Variants in ELMO1 observed in about 807,000 individuals in gnomAD.
ELMO1 encodes engulfment and cell motility protein 1.
In ELMO1, 26 loss-of-function variants were observed where a neutral mutation model predicts 98.9. The observed-to-expected ratio is 0.26, with a 90% CI of 0.19 to 0.36. The LOEUF (loss-of-function observed/expected upper bound fraction) is 0.36, where lower values mean the gene tolerates loss of function less well. Among genes scored for constraint, ELMO1 ranks in the 10% least tolerant of loss-of-function variants. ELMO1 has a pLI of 1.00. For synonymous variants in ELMO1, 346 were observed against 346.0 expected, an observed-to-expected ratio of 1.00 and a Z score of 0.00; for missense variants, 627 against 935.2, an observed-to-expected ratio of 0.67 and a Z score of 4.30.
At chr7:37,341,075 G>A (rs1477486569) in intron 2 of ELMO1, among the ~76,000 whole-genome samples, 2 of 152,192 alleles carry the variant, frequency 1.3e-5, no homozygotes, top group African/African-American at 4.8e-5. Flanking sequence ...TTGTTAAAAT[G>A]CAGACTTGGG....
At chr7:36,882,666 G>A (rs1449754597) in intron 18 of ELMO1, among the ~76,000 whole-genome samples, 1 of 152,154 alleles carries the variant, frequency 6.6e-6, no homozygotes, top group Non-Finnish European at 1.5e-5. Context: ...TTAGCTGCGG[G>A]GCCTTGGCCT....
intron 13 of ELMO1, among the ~76,000 whole-genome samples, chr7:37,194,713 T>C (rs1042522154): frequency 3.3e-5 from 5 of 152,178 alleles, no homozygotes; most frequent in Admixed American, 1.3e-4. Flanking sequence ...AGCTCACTCA[T>C]GTCCAAATGC....
At chr7:37,444,783 G>C (rs1805542090) in intron 1 of ELMO1, among the ~76,000 whole-genome samples, 2 of 152,168 alleles carry the variant, frequency 1.3e-5, no homozygotes, top group Admixed American at 1.3e-4. Context: ...CAAAGTGCTG[G>C]GATTAGAGGC....
chr7:37,103,759 G>A (rs1030218636), intron 14 of ELMO1, among the ~76,000 whole-genome samples: 8 of 151,778 alleles, frequency 5.3e-5, no homozygotes, highest in African/African-American at 1.4e-4. Context: ...CACTTTGGGA[G>A]GCCGAGGCAG....
Position 36,985,985 on chromosome 7 carries a change from A to G in ELMO1, c.1437+27314T>C, listed in dbSNP as rs1791474886. On this transcript the variant is annotated intron_variant, in intron 16 of 21. Transcript: ENST00000310758. ...CTGATTCTAAGCTGCTGCCACCACAAAGCGACTTAGAGTCGTCCCCCTGAA... is the reference window on the plus strand; with the variant it reads ...CTGATTCTAAGCTGCTGCCACCACAGAGCGACTTAGAGTCGTCCCCCTGAA... 5.0e-6 allele frequency: 5 copies of G among 1,002,742 alleles called. No individual in the cohort carries two copies. The South Asian group carries it at 2.3e-4, about 47-fold the overall frequency. The allele number at this position is 1,002,742 out of a possible 1,614,324, so 62.1% of individuals were successfully genotyped here.
At chr7:37,436,835 C>T (rs1438401227) in intron 1 of ELMO1, among the ~76,000 whole-genome samples, 1 of 152,212 alleles carries the variant, frequency 6.6e-6, no homozygotes, top group South Asian at 2.1e-4. Flanking sequence ...TGTAATTGAA[C>T]GTGCTGGGAC....
intron 16 of ELMO1, among the ~76,000 whole-genome samples, chr7:36,920,315 T>C (rs981487965): frequency 1.3e-5 from 2 of 152,244 alleles, no homozygotes; most frequent in African/African-American, 2.4e-5. Flanking sequence ...TGTTGCCCCA[T>C]GCAAGCAACT....
At chr7:37,392,922 T>C (rs1803141775) in intron 1 of ELMO1, among the ~76,000 whole-genome samples, 1 of 152,164 alleles carries the variant, frequency 6.6e-6, no homozygotes, top group South Asian at 2.1e-4. Flanking sequence ...TCTGAGCCTG[T>C]TTGCACTTAA....
At chr7:37,431,860 T>C (rs1804943798) in intron 1 of ELMO1, among the ~76,000 whole-genome samples, 1 of 152,112 alleles carries the variant, frequency 6.6e-6, no homozygotes, top group African/African-American at 2.4e-5. Context: ...CTATGAAGTT[T>C]GTTTTTTGTT....
chr7:37,259,495 G>T, intron 5 of ELMO1, 145 bp from the exon 6 acceptor site: 1 of 847,794 alleles, frequency 1.2e-6, no homozygotes, highest in South Asian at 1.9e-5. Flanking sequence ...TCAACGACAG[G>T]CTTCAAGGCT....
intron 13 of ELMO1, among the ~76,000 whole-genome samples, chr7:37,167,526 C>T (rs905223262): frequency 2.0e-5 from 3 of 150,202 alleles, no homozygotes; most frequent in African/African-American, 7.3e-5. Context: ...TCTTTTAGGG[C>T]AGGCCTGGTG....
intron 1 of ELMO1, among the ~76,000 whole-genome samples, chr7:37,405,290 C>G (rs75543891): frequency 0.014 from 2,144 of 152,238 alleles, 52 homozygotes; most frequent in African/African-American, 0.047. Flanking sequence ...ACATATTGTT[C>G]CCTCCTCCTG....
intron 4 of ELMO1, among the ~76,000 whole-genome samples, chr7:37,309,268 C>G (rs566426936): frequency 6.6e-6 from 1 of 152,252 alleles, no homozygotes; most frequent in African/African-American, 2.4e-5. Flanking sequence ...CCTTATAGAA[C>G]CATCAGCTCT....
At chr7:36,928,409 T>C (rs188753320) in intron 16 of ELMO1, among the ~76,000 whole-genome samples, 196 of 152,308 alleles carry the variant, frequency 1.3e-3, no homozygotes, top group African/African-American at 4.3e-3. Context: ...AAGAACCAAC[T>C]GTAAATCAGG....
At chr7:37,163,612 G>A (rs1023648204) in intron 13 of ELMO1, among the ~76,000 whole-genome samples, 18 of 151,898 alleles carry the variant, frequency 1.2e-4, no homozygotes, top group African/African-American at 3.6e-4. Flanking sequence ...TTGTTCTTGC[G>A]ATAGTTTACT....
chr7:37,121,272 G>A (rs945108084), intron 14 of ELMO1, among the ~76,000 whole-genome samples: 13 of 152,198 alleles, frequency 8.5e-5, no homozygotes, highest in African/African-American at 2.7e-4. Flanking sequence ...AAAGCTGGAC[G>A]GAGAATGACT....
At chr7:37,052,683 G>T (rs139102096) in intron 15 of ELMO1, among the ~76,000 whole-genome samples, 2 of 152,216 alleles carry the variant, frequency 1.3e-5, no homozygotes, top group Non-Finnish European at 2.9e-5. Context: ...TCTTGAGAGA[G>T]AGGTCACTGA....
chr7:37,163,817 T>C (rs1789419753), intron 13 of ELMO1, among the ~76,000 whole-genome samples: 1 of 152,220 alleles, frequency 6.6e-6, no homozygotes, highest in Non-Finnish European at 1.5e-5. Flanking sequence ...TGTGTCTTTA[T>C]AGCAGCATGA....
At chr7:36,882,924 T>G (rs1345985113) in intron 18 of ELMO1, among the ~76,000 whole-genome samples, 4 of 152,238 alleles carry the variant, frequency 2.6e-5, no homozygotes, top group Non-Finnish European at 5.9e-5. Context: ...GAAAATGAAC[T>G]GGCTTTTCAT....
Sources: allele counts gnomAD v4.1 joint callset (sites outside exome capture counted in the v4.1 genomes callset), GRCh38; gene constraint gnomAD v4.1.1; transcripts MANE v1.5; gene names NCBI Gene and HGNC (gene_info 2026-07-23, HGNC 2026-07-21).